CNTLN: variants seen among roughly 807,000 people sequenced by gnomAD.
CNTLN encodes centlein, centrosomal protein.
CNTLN carries 212 observed loss-of-function variants against 180.0 expected under a neutral mutation model. The observed-to-expected ratio is 1.18, with a 90% CI of 1.05 to 1.32. The LOEUF (loss-of-function observed/expected upper bound fraction) is 1.32. Among genes scored for constraint, CNTLN ranks in the 40% most tolerant of loss-of-function variants. CNTLN has a pLI of 0.00. For synonymous variants in CNTLN, 722 were observed against 563.1 expected, an observed-to-expected ratio of 1.28 and a Z score of -3.99; for missense variants, 2,095 against 1,610.9, an observed-to-expected ratio of 1.30 and a Z score of -5.14.
chr9:17,172,989 G>A (rs1319153909), intron 2 of CNTLN, among the ~76,000 whole-genome samples: 1 of 152,176 alleles, frequency 6.6e-6, no homozygotes, highest in Non-Finnish European at 1.5e-5. Flanking sequence ...GTTATATCCT[G>A]TTGGAAGATT....
rs768848225 is a variant in CNTLN, at chr9:17,135,235, G to T, written c.170G>T (p.Trp57Leu). The T allele has an allele frequency of 1.9e-6, 3 of 1,609,358 alleles. No individual in the cohort carries two copies. Among genetic ancestry groups the T allele is most frequent in the Non-Finnish European group, 2.5e-6 (3 of 1,178,252 alleles). The part of the protein sequence containing the change: ...EVVADESDKI[W>L]VGEEGSGGRR... ...GTCGCGGACGAAAGTGATAAAATCT[G>T]GGTGGGTGAAGAAGGGTCAGGGGGC... is the stretch of plus-strand genomic sequence containing the variant. The change falls in exon 1 of 26, where the codon TGG becomes TTG. Residue 57 changes from tryptophan to leucine, a missense_variant. Coordinates refer to ENST00000380647, the MANE Select transcript of CNTLN (RefSeq NM_017738.4).
chr9:17,255,915 G>C (rs1826454349), intron 5 of CNTLN, among the ~76,000 whole-genome samples: 1 of 151,554 alleles, frequency 6.6e-6, no homozygotes, highest in Non-Finnish European at 1.5e-5. Context: ...TACTTCCTTT[G>C]GATTATCCAA....
Position 17,189,073 on chromosome 9 carries a change from G to GTTTTTT in CNTLN, c.450-37108_450-37103dup, listed in dbSNP as rs1175101171. Among the ~76,000 whole-genome samples the GTTTTTT allele has an allele frequency of 4.8e-4, 33 of 68,904 alleles. 6 individuals are homozygous for GTTTTTT. The highest frequency in any genetic ancestry group is 1.3e-3 in the South Asian group (2 of 1,596). 45.2% of individuals were successfully genotyped at this position (68,904 alleles called of 152,430 possible). A position where few individuals can be genotyped will look rare whatever the true frequency, so the allele number is the denominator to read the frequency against. ...ATCAATTTGAGCTTTTTGGGACTTAGTTTTTTTTTTTTTTTTTTTTTTTTT... is the reference window on the plus strand; with the variant it reads ...ATCAATTTGAGCTTTTTGGGACTTAGTTTTTTTTTTTTTTTTTTTTTTTTTTTTTTT... On this transcript the variant is annotated intron_variant, in intron 2 of 25. Coordinates refer to ENST00000380647, the MANE Select transcript of CNTLN (RefSeq NM_017738.4).
chr9:17,313,565 G>C (rs1407112219), intron 8 of CNTLN, among the ~76,000 whole-genome samples: 3 of 151,772 alleles, frequency 2.0e-5, no homozygotes, highest in Non-Finnish European at 4.4e-5. Context: ...TTTAACTTTT[G>C]ACTCTTAGCA....
chr9:17,246,019 C>G (rs988881102), intron 5 of CNTLN, among the ~76,000 whole-genome samples: 1 of 152,092 alleles, frequency 6.6e-6, no homozygotes, highest in Non-Finnish European at 1.5e-5. Context: ...ATCTGTGTCT[C>G]TCCACGATTT....
chr9:17,232,589 T>C (rs1377407175), intron 3 of CNTLN, among the ~76,000 whole-genome samples: 3 of 152,028 alleles, frequency 2.0e-5, no homozygotes, highest in Non-Finnish European at 4.4e-5. Flanking sequence ...ATTTTGTCAT[T>C]TCTCCTTCAA....
chr9:17,206,247 A>G (rs781618783), intron 2 of CNTLN, among the ~76,000 whole-genome samples: 4 of 152,170 alleles, frequency 2.6e-5, no homozygotes, highest in Non-Finnish European at 5.9e-5. Context: ...CAAACAGTCT[A>G]TTTTTGCCTA....
chr9:17,236,406 C>A lies in CNTLN; in HGVS notation c.670-3C>A. On this transcript the variant is annotated splice_polypyrimidine_tract_variant and splice_region_variant and intron_variant, in intron 4 of 25. Coordinates refer to ENST00000380647, the MANE Select transcript of CNTLN (RefSeq NM_017738.4). ...TATTTGCCCTTGTGGTACTGTTCTACAGGACACTAAGGAGTGTGTACAGAA... is the reference window on the plus strand; with the variant it reads ...TATTTGCCCTTGTGGTACTGTTCTAAAGGACACTAAGGAGTGTGTACAGAA... 1 of 1,590,872 alleles carries A rather than the reference C, an allele frequency of 6.3e-7. No homozygotes were observed. The highest frequency in any genetic ancestry group is 8.5e-7 in the Non-Finnish European group (1 of 1,171,868).
In CNTLN at chr9:17,332,672, A is replaced by G. The variant is rs765210937; in HGVS notation, c.1586A>G (p.Gln529Arg). 12 of 1,608,540 alleles carry G rather than the reference A, an allele frequency of 7.5e-6. No homozygotes were observed. In the African/African-American group the frequency reaches 1.1e-4, roughly 14 times the overall value. ...KSSFTDSEEL[Q>R]KLRKAERKIE... ...TCTTTCACAGACTCAGAAGAGCTAC[A>G]GAAGCTGAGAAAAGCTGAAAGAAAG... Residue 529 changes from glutamine (Q) to arginine (R), a missense_variant, in exon 10 of 26, where the codon CAG becomes CGG. Transcript: ENST00000380647.
At chr9:17,145,372 G>A (rs1330875283) in intron 2 of CNTLN, among the ~76,000 whole-genome samples, 1 of 152,152 alleles carries the variant, frequency 6.6e-6, no homozygotes, top group Non-Finnish European at 1.5e-5. Flanking sequence ...GAACCATGTA[G>A]TATGTTCACA....
intron 4 of CNTLN, among the ~76,000 whole-genome samples, chr9:17,236,090 A>G (rs890409761): frequency 6.6e-6 from 1 of 152,200 alleles, no homozygotes; most frequent in Non-Finnish European, 1.5e-5. Flanking sequence ...ATTAATTGAT[A>G]AAACCCAGGT....
chr9:17,455,612 C>G (rs139366005), intron 18 of CNTLN, among the ~76,000 whole-genome samples: 1,759 of 152,152 alleles, frequency 0.012, 34 homozygotes, highest in African/African-American at 0.04. Context: ...AACAAAGAAG[C>G]CTTCAAGAAG....
At position 17,135,082 on chromosome 9, in the gene CNTLN, C is replaced by G; in HGVS notation, c.17C>G (p.Pro6Arg). Reference sequence around the variant, plus strand: ...GCCGCAGCCATGGCGGCGCGTTCGCCTCCCTCACCGCACCCTTCGCCCCCA... The same window carrying G: ...GCCGCAGCCATGGCGGCGCGTTCGCGTCCCTCACCGCACCCTTCGCCCCCA... MAARS[P>R]PSPHPSPPAR... is the part of the protein sequence containing the mutation. Residue 6 changes from proline to arginine, a missense_variant, in exon 1 of 26, where the codon CCT becomes CGT. Transcript: ENST00000380647. 1.2e-6 allele frequency: 2 copies of G among 1,600,312 alleles called. No individual in the cohort carries two copies. Among genetic ancestry groups the G allele is most frequent in the Non-Finnish European group, 8.5e-7 (1 of 1,176,414 alleles).
chr9:17,502,203 C>T (rs1480095049), intron 25 of CNTLN, among the ~76,000 whole-genome samples: 1 of 152,078 alleles, frequency 6.6e-6, no homozygotes, highest in East Asian at 1.9e-4. Context: ...TCTGTGGGCC[C>T]GTGTGCCCTA....
At chr9:17,231,464 A>C (rs545142072) in intron 3 of CNTLN, among the ~76,000 whole-genome samples, 1 of 152,170 alleles carries the variant, frequency 6.6e-6, no homozygotes, top group Admixed American at 6.6e-5. Context: ...CACTGTTATA[A>C]AACAATGTTA....
intron 18 of CNTLN, among the ~76,000 whole-genome samples, chr9:17,439,804 A>G (rs1433101808): frequency 2.0e-5 from 3 of 152,170 alleles, no homozygotes; most frequent in Non-Finnish European, 4.4e-5. Flanking sequence ...GCCCTTATAA[A>G]AAGAGGAAGA....
chr9:17,230,856 G>T (rs1225391323), intron 3 of CNTLN, among the ~76,000 whole-genome samples: 1 of 151,952 alleles, frequency 6.6e-6, no homozygotes, highest in East Asian at 1.9e-4. Flanking sequence ...CCCCAAGCAT[G>T]ACTGAGCCAT....
At chr9:17,310,387 G>A (rs10963022) in intron 8 of CNTLN, among the ~76,000 whole-genome samples, 2 of 151,942 alleles carry the variant, frequency 1.3e-5, no homozygotes, top group Non-Finnish European at 2.9e-5. Context: ...AGATTTATCC[G>A]TGTTTTTTGA....
At chr9:17,389,130 G>A (rs1825906298) in intron 14 of CNTLN, among the ~76,000 whole-genome samples, 1 of 151,950 alleles carries the variant, frequency 6.6e-6, no homozygotes, top group African/African-American at 2.4e-5. Context: ...AGGAAATCTA[G>A]TGATTTACAG....
Sources: gnomAD v4.1 joint callset for allele counts (sites outside exome capture counted in the v4.1 genomes callset) on GRCh38, gnomAD v4.1.1 for gene constraint, MANE v1.5 for transcripts, NCBI Gene and HGNC (gene_info 2026-07-23, HGNC 2026-07-21) for gene names.